The following COL15A1 variants were observed in gnomAD, a reference collection of about 807,000 sequenced individuals.
The protein encoded by COL15A1 is collagen type XV alpha 1 chain, also known as collagen alpha-1(XV) chain.
A neutral mutation model predicts 165.9 loss-of-function variants in COL15A1; 111 were observed. The observed-to-expected ratio is 0.67, with a 90% CI of 0.57 to 0.78. The LOEUF (loss-of-function observed/expected upper bound fraction) is 0.78. Ranked by LOEUF, COL15A1 falls within the 30% of genes least tolerant of loss-of-function variation. The pLI is 0.00. For missense variants in COL15A1, 1,745 were observed against 1,789.7 expected (o/e 0.98, Z 0.45); for synonymous variants, 659 against 674.8 (o/e 0.98, Z 0.36).
chr9:99,063,202 GA>G, intron 39 of COL15A1, 93 bp downstream of exon 39: 1 of 1,351,538 alleles, frequency 7.4e-7, no homozygotes, highest in Non-Finnish European at 9.7e-7. Context: ...CTACCATCAT[GA>G]TACTTATAGA....
At chr9:99,031,473 C>T (rs976279150) in intron 16 of COL15A1, among the ~76,000 whole-genome samples, 3 of 152,182 alleles carry the variant, frequency 2.0e-5, no homozygotes, top group African/African-American at 7.2e-5. Flanking sequence ...AACTACCAAG[C>T]AAACAGCATG....
At chr9:99,023,265 A>G in intron 13 of COL15A1, 92 bp from the exon 14 acceptor site, 1 of 1,455,392 alleles carries the variant, frequency 6.9e-7, no homozygotes, top group Admixed American at 2.6e-5. Context: ...GATATAGGAA[A>G]CATTTCCCCA....
intron 2 of COL15A1, among the ~76,000 whole-genome samples, chr9:98,969,588 C>T (rs1038081016): frequency 1.6e-4 from 25 of 152,202 alleles, no homozygotes; most frequent in African/African-American, 5.1e-4. Flanking sequence ...AGCAGAGCCC[C>T]GCTCCTGGTA....
At chr9:99,001,413 C>T (rs764065397) in intron 7 of COL15A1, among the ~76,000 whole-genome samples, 10 of 152,170 alleles carry the variant, frequency 6.6e-5, no homozygotes, top group Non-Finnish European at 2.9e-5. Flanking sequence ...ATAGTTTTCT[C>T]ACAATGGCCC....
intron 13 of COL15A1, among the ~76,000 whole-genome samples, chr9:99,022,352 T>A (rs898261544): frequency 6.6e-6 from 1 of 152,214 alleles, no homozygotes; most frequent in Admixed American, 6.5e-5. Context: ...ACCTTGAGCA[T>A]CCCAGAAGTT....
chr9:98,995,070 C>T (rs762662871), intron 5 of COL15A1, among the ~76,000 whole-genome samples: 31 of 152,180 alleles, frequency 2.0e-4, no homozygotes, highest in Non-Finnish European at 2.9e-4. Context: ...TACCAGCCAC[C>T]AGCAGCCTCA....
chr9:99,054,708 C>G lies in COL15A1; in HGVS notation c.3031+52C>G, dbSNP rs1293469281. 6.4e-6 allele frequency: 10 copies of G among 1,562,724 alleles called. No homozygotes were observed. The African/African-American group carries it at 6.9e-5, about 11-fold the overall frequency. On this transcript the variant is annotated intron_variant, in intron 32 of 41. Transcript: ENST00000375001. ...GCCTTTGATTTTTTGCTCCTGAGAACAAATGCGACTGAGAAATGTGACCTA... is the reference window on the plus strand; with the variant it reads ...GCCTTTGATTTTTTGCTCCTGAGAAGAAATGCGACTGAGAAATGTGACCTA...
At position 99,020,386 on chromosome 9, in the gene COL15A1, T is replaced by C. The variant is rs2119003693; in HGVS notation, c.1648-3T>C. On this transcript the variant is annotated splice_polypyrimidine_tract_variant and splice_region_variant and intron_variant, in intron 11 of 41. Transcript: ENST00000375001. ...ACGTTTTAACCAAATCTTCTTCTTTTAGGCTCAAAGAGAACATGTGGGAAT... is the reference window on the plus strand; with the variant it reads ...ACGTTTTAACCAAATCTTCTTCTTTCAGGCTCAAAGAGAACATGTGGGAAT... The C allele has an allele frequency of 6.2e-7, 1 of 1,611,960 alleles. No homozygotes were observed. Among genetic ancestry groups the C allele is most frequent in the East Asian group, 2.2e-5 (1 of 44,872 alleles).
intron 9 of COL15A1, among the ~76,000 whole-genome samples, chr9:99,013,787 C>T: frequency 6.6e-6 from 1 of 152,098 alleles, no homozygotes; most frequent in Non-Finnish European, 1.5e-5. Context: ...ATGGAACACC[C>T]CAAAAAGGGG....
intron 2 of COL15A1, among the ~76,000 whole-genome samples, chr9:98,948,869 A>G (rs1348404191): frequency 6.6e-6 from 1 of 152,264 alleles, no homozygotes; most frequent in African/African-American, 2.4e-5. Context: ...ATTGTGAAAT[A>G]CAACATCCAT....
intron 11 of COL15A1, among the ~76,000 whole-genome samples, chr9:99,017,647 C>G (rs1443786119): frequency 6.6e-6 from 1 of 152,134 alleles, no homozygotes; most frequent in African/African-American, 2.4e-5. Context: ...TGCAGGGCAT[C>G]TAGTGGGCAG....
In COL15A1 at chr9:99,047,204, C is replaced by G. The variant is rs35373140; in HGVS notation, c.2680-582C>G. Among the ~76,000 whole-genome samples, 276 of 152,274 alleles carry G rather than the reference C, an allele frequency of 1.8e-3. 3 individuals carry two copies. The highest frequency in any genetic ancestry group is 6.4e-3 in the African/African-American group (268 of 41,554). On this transcript the variant is annotated intron_variant, in intron 26 of 41. Transcript: ENST00000375001. ...TGCAACAGAACAGTGGTTCTAGAAGCCTGTGGTCCTGGAAAGCCAGCACTG... is the reference window on the plus strand; with the variant it reads ...TGCAACAGAACAGTGGTTCTAGAAGGCTGTGGTCCTGGAAAGCCAGCACTG...
intron 30 of COL15A1, among the ~76,000 whole-genome samples, chr9:99,051,326 C>G (rs979811834): frequency 1.3e-5 from 2 of 152,094 alleles, no homozygotes; most frequent in Non-Finnish European, 2.9e-5. Flanking sequence ...CGTGGGGATA[C>G]CTAAAAGAAG....
intron 11 of COL15A1, 84 bp downstream of exon 11, chr9:99,016,203 C>T: frequency 2.0e-6 from 3 of 1,463,760 alleles, no homozygotes; most frequent in South Asian, 2.8e-5. Context: ...GAAGGGCTGG[C>T]CCCCAGCTTT....
At chr9:98,948,761 G>T (rs1039379762) in intron 2 of COL15A1, among the ~76,000 whole-genome samples, 1 of 152,196 alleles carries the variant, frequency 6.6e-6, no homozygotes, top group African/African-American at 2.4e-5. Flanking sequence ...AGATAAGGGG[G>T]CTATTGTCCA....
intron 2 of COL15A1, among the ~76,000 whole-genome samples, chr9:98,972,595 A>G (rs1838078713): frequency 6.6e-6 from 1 of 152,220 alleles, no homozygotes; most frequent in Non-Finnish European, 1.5e-5. Flanking sequence ...TTTGAACAGC[A>G]CTTGGCATGC....
At chr9:99,001,380 T>C (rs1223397333) in intron 7 of COL15A1, among the ~76,000 whole-genome samples, 3 of 152,156 alleles carry the variant, frequency 2.0e-5, no homozygotes, top group African/African-American at 4.8e-5. Flanking sequence ...CTGGGCTCCC[T>C]AGGGTGCAAA....
intron 3 of COL15A1, 117 bp downstream of exon 3, chr9:98,986,229 C>T (rs541439391): frequency 1.4e-5 from 12 of 843,744 alleles, no homozygotes; most frequent in South Asian, 5.5e-5. Flanking sequence ...AAGAAGCATG[C>T]GTGTTATGAT....
chr9:99,041,232 G>T (rs1396133837), intron 23 of COL15A1: 1 of 151,498 alleles, frequency 6.6e-6, no homozygotes. Context: ...TTATTTGGGG[G>T]AAAAAAAAGG....
Sources: allele counts gnomAD v4.1 joint callset (sites outside exome capture counted in the v4.1 genomes callset), GRCh38; gene constraint gnomAD v4.1.1; transcripts MANE v1.5; gene names NCBI Gene and HGNC (gene_info 2026-07-23, HGNC 2026-07-21).